IL1RL2: variants seen among roughly 807,000 people sequenced by gnomAD.
IL1RL2 encodes the protein interleukin 1 receptor like 2.
IL1RL2 carries 68 observed loss-of-function variants against 66.8 expected under a neutral mutation model. The ratio of observed to expected loss-of-function variants is 1.02; its 90% CI spans 0.84 to 1.25. The LOEUF is 1.25. Ranked by LOEUF, IL1RL2 falls within the 50% of genes most tolerant of loss-of-function variation. IL1RL2 has a pLI of 0.00. For synonymous variants in IL1RL2, 305 were observed against 264.6 expected (o/e 1.15, Z -1.48); for missense variants, 729 against 709.3 (o/e 1.03, Z -0.32).
chr2:102,229,822 C>G (rs1292436859), intron 9 of IL1RL2, among the ~76,000 whole-genome samples: 3 of 152,214 alleles, frequency 2.0e-5, no homozygotes, highest in Admixed American at 1.3e-4. Flanking sequence ...AGGTGTGAGA[C>G]TTTCTTCCTA....
chr2:102,193,979 C>T (rs543490526), intron 4 of IL1RL2, among the ~76,000 whole-genome samples: 5 of 151,788 alleles, frequency 3.3e-5, no homozygotes, highest in African/African-American at 7.3e-5. Context: ...TGAAGTATAA[C>T]GTATACATAT....
chr2:102,230,860 G>C (rs1448889041), intron 9 of IL1RL2, among the ~76,000 whole-genome samples: 1 of 152,150 alleles, frequency 6.6e-6, no homozygotes, highest in Non-Finnish European at 1.5e-5. Context: ...ACTGAGAAAT[G>C]GTGTTATGTA....
At position 102,235,096 on chromosome 2, in the gene IL1RL2, G is replaced by A. The variant is rs1025708679; in HGVS notation, c.1497G>A (p.Glu499=). 1.9e-6 allele frequency: 3 copies of A among 1,614,252 alleles called. No individual in the cohort carries two copies. The highest frequency in any genetic ancestry group is 2.5e-6 in the Non-Finnish European group (3 of 1,180,054). ...EKIEDYTVMP[E]SIQYIKQKHG... ...TCGAGGACTACACAGTCATGCCAGA[G>A]TCAATTCAGTACATCAAACAGAAGC... Residue 499 remains glutamate, a synonymous_variant, in exon 11 of 12, where the codon GAG becomes GAA. Coordinates refer to ENST00000264257, the MANE Select transcript of IL1RL2 (RefSeq NM_003854.4).
chr2:102,225,329 A>G (rs1041011851), intron 8 of IL1RL2, among the ~76,000 whole-genome samples: 1 of 152,240 alleles, frequency 6.6e-6, no homozygotes, highest in African/African-American at 2.4e-5. Flanking sequence ...TCAATGGCAC[A>G]GAAAGGATGA....
At chr2:102,208,003 T>C (rs1419515465) in intron 5 of IL1RL2, among the ~76,000 whole-genome samples, 12 of 152,220 alleles carry the variant, frequency 7.9e-5, no homozygotes, top group Admixed American at 7.8e-4. Flanking sequence ...CAGTTTTCCT[T>C]TCTGTTCTAA....
At chr2:102,200,015 G>C (rs963512047) in intron 4 of IL1RL2, among the ~76,000 whole-genome samples, 1 of 151,702 alleles carries the variant, frequency 6.6e-6, no homozygotes, top group Non-Finnish European at 1.5e-5. Context: ...AAAAAATTGG[G>C]GTGTGGTGGC....
chr2:102,208,666 G>A (rs1031285325), intron 5 of IL1RL2, among the ~76,000 whole-genome samples: 20 of 152,150 alleles, frequency 1.3e-4, no homozygotes, highest in African/African-American at 4.6e-4. Context: ...GGTCAGCATG[G>A]GTGGCTCCCT....
intron 9 of IL1RL2, among the ~76,000 whole-genome samples, chr2:102,228,190 C>G (rs1210665050): frequency 6.6e-6 from 1 of 152,152 alleles, no homozygotes; most frequent in Non-Finnish European, 1.5e-5. Context: ...ACGAGAACTG[C>G]CCTGTAATAT....
In IL1RL2 at chr2:102,235,081, C is replaced by T. The variant is rs1319914499; in HGVS notation, c.1482C>T (p.Tyr494=). The T allele has an allele frequency of 2.5e-6, 4 of 1,614,200 alleles. No homozygotes were observed. The highest frequency in any genetic ancestry group is 3.4e-6 in the Non-Finnish European group (4 of 1,180,046). ...TTGAGCTGGAGAAAATCGAGGACTA[C>T]ACAGTCATGCCAGAGTCAATTCAGT... is the stretch of plus-strand genomic sequence containing the variant. ...ILIELEKIED[Y]TVMPESIQYI... Residue 494 remains tyrosine, a synonymous_variant, in exon 11 of 12, where the codon TAC becomes TAT. Coordinates refer to ENST00000264257, the MANE Select transcript of IL1RL2 (RefSeq NM_003854.4).
chr2:102,212,108 G>T lies in IL1RL2; in HGVS notation c.658G>T (p.Ala220Ser). Residue 220 changes from alanine (A) to serine (S), a missense_variant, in exon 6 of 12, where the codon GCT becomes TCT. Coordinates refer to ENST00000264257, the MANE Select transcript of IL1RL2 (RefSeq NM_003854.4). The stretch of plus-strand genomic sequence containing the variant: ...TGGGTATGATTTCTTAGCAGAAAGA[G>T]CTGGATATGGAGGAAGTGTCCCTAA... Reference protein sequence around the residue: ...NGITVSITERAGYGGSVPKII... With the variant: ...NGITVSITERSGYGGSVPKII... 2 of 1,612,468 alleles carry T rather than the reference G, an allele frequency of 1.2e-6. No homozygotes were observed. The highest frequency in any genetic ancestry group is 1.7e-6 in the Non-Finnish European group (2 of 1,178,600).
intron 2 of IL1RL2, 56 bp from the exon 3 acceptor site, chr2:102,189,020 T>G: frequency 7.4e-7 from 1 of 1,358,062 alleles, no homozygotes; most frequent in Non-Finnish European, 1.0e-6. Context: ...TAACAGTAAA[T>G]AAAACTGAAG....
chr2:102,194,070 A>G (rs970723338), intron 4 of IL1RL2, among the ~76,000 whole-genome samples: 2 of 152,198 alleles, frequency 1.3e-5, no homozygotes, highest in East Asian at 1.9e-4. Flanking sequence ...TTCCCATGAA[A>G]GTTAAGAAAG....
upstream of IL1RL2, chr2:102,186,973 C>G (rs1450441008): frequency 7.8e-7 from 1 of 1,279,010 alleles, no homozygotes; most frequent in African/African-American, 1.5e-5. Context: ...GCAGGTCTGC[C>G]CCGCCCACGG....
chr2:102,207,136 A>G (rs1032159926), intron 5 of IL1RL2, among the ~76,000 whole-genome samples: 1 of 152,138 alleles, frequency 6.6e-6, no homozygotes, highest in Non-Finnish European at 1.5e-5. Flanking sequence ...CTCACTCTTC[A>G]GGGCACTGGG....
intron 4 of IL1RL2, among the ~76,000 whole-genome samples, chr2:102,200,637 A>G (rs1036364536): frequency 2.0e-5 from 3 of 152,186 alleles, no homozygotes; most frequent in Admixed American, 6.5e-5. Context: ...CTAAGCAGTC[A>G]CTCTGTGGAC....
intron 4 of IL1RL2, 65 bp downstream of exon 4, chr2:102,192,185 G>A: frequency 8.8e-7 from 1 of 1,130,530 alleles, no homozygotes. Context: ...TTTTTTATAG[G>A]TTAAGTTGTA....
At chr2:102,241,487 T>A (rs1332479295), downstream of IL1RL2, among the ~76,000 whole-genome samples, 2 of 152,196 alleles carry the variant, frequency 1.3e-5, no homozygotes, top group Non-Finnish European at 2.9e-5. Context: ...AATGTTGGTA[T>A]CCTTATTGCC....
intron 4 of IL1RL2, among the ~76,000 whole-genome samples, chr2:102,199,864 T>G (rs919606690): frequency 2.0e-5 from 3 of 152,038 alleles, no homozygotes; most frequent in Non-Finnish European, 2.9e-5. Context: ...GACTAGACAT[T>G]GTACTTTGTT....
chr2:102,199,811 ATC>A (rs1688087343), intron 4 of IL1RL2, among the ~76,000 whole-genome samples: 1 of 152,236 alleles, frequency 6.6e-6, no homozygotes, highest in Non-Finnish European at 1.5e-5. Context: ...GCCAGAGACT[ATC>A]CAGGGCAGCC....
Sources: gnomAD v4.1 joint callset for allele counts (sites outside exome capture counted in the v4.1 genomes callset) on GRCh38, gnomAD v4.1.1 for gene constraint, MANE v1.5 for transcripts, NCBI Gene and HGNC (gene_info 2026-07-23, HGNC 2026-07-21) for gene names.